The following DOCK2 variants were observed in gnomAD, a reference collection of about 807,000 sequenced individuals.
DOCK2 encodes dedicator of cytokinesis protein 2.
DOCK2 carries 87 observed loss-of-function variants against 248.9 expected under a neutral mutation model. The observed-to-expected ratio is 0.35, with a 90% CI of 0.29 to 0.42. DOCK2 has a LOEUF of 0.42. Ranked by LOEUF, DOCK2 falls within the 10% of genes least tolerant of loss-of-function variation. The pLI is 1.00. For synonymous variants in DOCK2, 805 were observed against 821.6 expected, an observed-to-expected ratio of 0.98 and a Z score of 0.35; for missense variants, 1,747 against 2,300.2, an observed-to-expected ratio of 0.76 and a Z score of 4.92.
In DOCK2 at chr5:169,731,287, G is replaced by A. The variant is rs1239636438; in HGVS notation, c.2267+12496G>A. On this transcript the variant is annotated intron_variant, in intron 22 of 51. Coordinates refer to ENST00000520908, the MANE Select transcript of DOCK2 (RefSeq NM_004946.3). ...CCCACAATTCCCATGTGTCCTGGGA[G>A]GAGCCCTATGGGAGGTGATTGAATT... Among the ~76,000 whole-genome samples, 3 of 152,174 alleles carry A rather than the reference G, an allele frequency of 2.0e-5. No homozygotes were observed. In the South Asian group the frequency reaches 6.2e-4, roughly 32 times the overall value.
intron 46 of DOCK2, 68 bp downstream of exon 46, chr5:170,069,288 C>A (rs140104275): frequency 4.6e-6 from 7 of 1,525,268 alleles, no homozygotes; most frequent in Non-Finnish European, 6.3e-6. Context: ...TTCACTTGCC[C>A]CACGCTAGGC....
chr5:169,702,489 A>T (rs1299204860), intron 14 of DOCK2, 62 bp downstream of exon 14: 1 of 1,599,364 alleles, frequency 6.3e-7, no homozygotes, highest in East Asian at 2.3e-5. Flanking sequence ...GCTTGTAAAG[A>T]CGTACTTTTC....
chr5:169,671,156 C>T lies in DOCK2; in HGVS notation c.303C>T (p.Ile101=). The change falls in exon 5 of 52, where the codon ATC becomes ATT. Residue 101 remains isoleucine (I), a synonymous_variant. Coordinates refer to ENST00000520908, the MANE Select transcript of DOCK2 (RefSeq NM_004946.3). ...CGACACTTTGGGAATGGGGAAGCAT[C>T]TGGAAACAACTCTATGTGGTGAGAC... ...VTTTLWEWGS[I]WKQLYVASKK... is the part of the protein sequence containing the mutation. 6.2e-7 allele frequency: 1 copy of T among 1,614,102 alleles called. No homozygotes were observed. The highest frequency in any genetic ancestry group is 1.7e-5 in the Admixed American group (1 of 60,018).
intron 39 of DOCK2, 98 bp downstream of exon 39, chr5:170,046,003 G>T: frequency 8.8e-7 from 1 of 1,133,376 alleles, no homozygotes. Context: ...AGGGCCAGGC[G>T]GGGTTAGGGA....
chr5:169,706,582 G>A (rs575507305), intron 14 of DOCK2, among the ~76,000 whole-genome samples: 55 of 152,340 alleles, frequency 3.6e-4, no homozygotes, highest in African/African-American at 1.2e-3. Flanking sequence ...CACTCTAAAT[G>A]GTTAGAAAGA....
intron 22 of DOCK2, among the ~76,000 whole-genome samples, chr5:169,726,582 T>A (rs1365179389): frequency 6.6e-6 from 1 of 152,252 alleles, no homozygotes; most frequent in Non-Finnish European, 1.5e-5. Context: ...GTCTTATGCA[T>A]GAACTTTTAA....
At chr5:170,070,535 G>A (rs10462993) in intron 46 of DOCK2, among the ~76,000 whole-genome samples, 38,959 of 151,810 alleles carry the variant, frequency 0.26, 5,285 homozygotes, top group East Asian at 0.51. Flanking sequence ...ATATCCCCCA[G>A]GTCCCCAGCC....
intron 2 of DOCK2, among the ~76,000 whole-genome samples, chr5:169,660,185 G>C (rs10067009): frequency 0.23 from 35,029 of 152,012 alleles, 4,159 homozygotes; most frequent in South Asian, 0.31. Flanking sequence ...TTGGGGTGGA[G>C]GAACTGTATC....
intron 23 of DOCK2, among the ~76,000 whole-genome samples, chr5:169,755,723 G>A (rs1340369699): frequency 3.3e-5 from 5 of 152,144 alleles, no homozygotes; most frequent in Admixed American, 1.3e-4. Flanking sequence ...CATCCTGGGC[G>A]ACAGAGTGAG....
At chr5:169,938,679 A>T (rs1776097895) in intron 27 of DOCK2, among the ~76,000 whole-genome samples, 1 of 152,190 alleles carries the variant, frequency 6.6e-6, no homozygotes, top group African/African-American at 2.4e-5. Flanking sequence ...ACTACTGTAG[A>T]CTATCAACAC....
chr5:170,060,577 T>C (rs753657712), intron 44 of DOCK2, among the ~76,000 whole-genome samples: 1 of 152,208 alleles, frequency 6.6e-6, no homozygotes, highest in Non-Finnish European at 1.5e-5. Context: ...CTACCTGCAT[T>C]ATTTTGTATA....
intron 23 of DOCK2, among the ~76,000 whole-genome samples, chr5:169,756,290 C>G (rs1405582001): frequency 6.6e-6 from 1 of 152,202 alleles, no homozygotes; most frequent in East Asian, 1.9e-4. Flanking sequence ...TCCATCGTGT[C>G]CCTCCAAAGT....
At chr5:169,784,610 T>A (rs1030898626) in intron 25 of DOCK2, among the ~76,000 whole-genome samples, 2 of 152,270 alleles carry the variant, frequency 1.3e-5, no homozygotes, top group Non-Finnish European at 2.9e-5. Context: ...TCTGATTATG[T>A]CAACGATTGT....
intron 27 of DOCK2, among the ~76,000 whole-genome samples, chr5:169,879,817 A>G (rs1772534659): frequency 6.6e-6 from 1 of 152,234 alleles, no homozygotes; most frequent in African/African-American, 2.4e-5. Flanking sequence ...AGGCGAGGTC[A>G]TGAAACTCAT....
At chr5:169,964,244 G>A (rs1279917601) in intron 27 of DOCK2, among the ~76,000 whole-genome samples, 1 of 152,130 alleles carries the variant, frequency 6.6e-6, no homozygotes. Flanking sequence ...CCTTTTCTTA[G>A]CCTGGAGTTC....
At chr5:169,850,721 T>C (rs1297550500) in intron 27 of DOCK2, among the ~76,000 whole-genome samples, 2 of 152,200 alleles carry the variant, frequency 1.3e-5, no homozygotes, top group East Asian at 1.9e-4. Context: ...CAGGGCATAC[T>C]AGGCCTAAAA....
chr5:170,012,301 T>G (rs1316394378), intron 32 of DOCK2, among the ~76,000 whole-genome samples: 1 of 151,324 alleles, frequency 6.6e-6, no homozygotes, highest in Admixed American at 6.6e-5. Flanking sequence ...TCAAAGTGTA[T>G]GCATATTGTT....
At chr5:169,747,143 T>C (rs1182913647) in intron 22 of DOCK2, among the ~76,000 whole-genome samples, 2 of 152,212 alleles carry the variant, frequency 1.3e-5, no homozygotes, top group African/African-American at 4.8e-5. Flanking sequence ...CTTTGGGGTT[T>C]CCTTGGGGTT....
intron 27 of DOCK2, chr5:169,875,305 C>T: frequency 2.2e-6 from 1 of 456,708 alleles, no homozygotes; most frequent in Non-Finnish European, 4.4e-6. Flanking sequence ...AACCCAGCAA[C>T]AAGTTTCCAT....
Sources: allele counts gnomAD v4.1 joint callset (sites outside exome capture counted in the v4.1 genomes callset), GRCh38; gene constraint gnomAD v4.1.1; transcripts MANE v1.5; gene names NCBI Gene and HGNC (gene_info 2026-07-23, HGNC 2026-07-21).